Variants in MPP7 observed in about 807,000 individuals in gnomAD.
The protein encoded by MPP7 is MAGUK p55 subfamily member 7.
A neutral mutation model predicts 76.5 loss-of-function variants in MPP7; 60 were observed. That is an observed-to-expected ratio of 0.78 (90% CI 0.64 to 0.97). MPP7 has a LOEUF of 0.97. MPP7 is among the 50% of genes least tolerant of loss of function. The pLI is 0.00. For synonymous variants in MPP7, 237 were observed against 244.5 expected, an observed-to-expected ratio of 0.97 and a Z score of 0.29; for missense variants, 641 against 694.0, an observed-to-expected ratio of 0.92 and a Z score of 0.86.
At chr10:28,288,831 T>A (rs10826444) in intron 1 of MPP7, among the ~76,000 whole-genome samples, 42,835 of 151,978 alleles carry the variant, frequency 0.28, 6,983 homozygotes, top group East Asian at 0.55. Flanking sequence ...GCCCAATGTC[T>A]GGCCTAGAGC....
intron 11 of MPP7, 56 bp downstream of exon 11, chr10:28,119,595 T>C (rs1834765131): frequency 4.2e-6 from 6 of 1,440,026 alleles, no homozygotes; most frequent in Non-Finnish European, 5.9e-6. Context: ...CCTGCTTTAA[T>C]AGTCAAAAAT....
At chr10:28,159,553 C>T (rs1836186916) in intron 3 of MPP7, among the ~76,000 whole-genome samples, 1 of 152,172 alleles carries the variant, frequency 6.6e-6, no homozygotes, top group Admixed American at 6.5e-5. Context: ...TCAGCTCCTG[C>T]ATCCTATCTA....
intron 11 of MPP7, among the ~76,000 whole-genome samples, chr10:28,112,139 CAT>C (rs769980191): frequency 1.3e-4 from 20 of 152,158 alleles, no homozygotes; most frequent in Admixed American, 2.0e-4. Flanking sequence ...TATTTAAGCA[CAT>C]GTCTTAGTAA....
intron 5 of MPP7, among the ~76,000 whole-genome samples, chr10:28,137,749 A>C (rs1008316169): frequency 6.6e-6 from 1 of 152,240 alleles, no homozygotes; most frequent in Non-Finnish European, 1.5e-5. Flanking sequence ...GGCAATACTT[A>C]AATGGAAATT....
intron 6 of MPP7, among the ~76,000 whole-genome samples, chr10:28,126,508 A>G (rs1835022021): frequency 6.6e-6 from 1 of 152,228 alleles, no homozygotes; most frequent in South Asian, 2.1e-4. Flanking sequence ...CTAAGATCAG[A>G]TAACTAGTAT....
chr10:28,314,366 A>C (rs905050209), intron 2 of MPP7, among the ~76,000 whole-genome samples: 3 of 152,232 alleles, frequency 2.0e-5, no homozygotes, highest in African/African-American at 7.2e-5. Context: ...GTGTAACATA[A>C]GGATTATACA....
chr10:28,173,676 G>A (rs73608054), intron 3 of MPP7, among the ~76,000 whole-genome samples: 15 of 152,036 alleles, frequency 9.9e-5, no homozygotes, highest in Non-Finnish European at 2.1e-4. Context: ...ACAAAACAAA[G>A]ATAACCCGCA....
chr10:28,272,162 A>T (rs1436571930), intron 1 of MPP7, among the ~76,000 whole-genome samples: 1 of 152,198 alleles, frequency 6.6e-6, no homozygotes, highest in East Asian at 1.9e-4. Context: ...TGAGCACCTA[A>T]GCCTGAAAAA....
chr10:28,193,991 T>C (rs183116474), intron 3 of MPP7, among the ~76,000 whole-genome samples: 1 of 152,036 alleles, frequency 6.6e-6, no homozygotes, highest in African/African-American at 2.4e-5. Context: ...TAAAAGACAA[T>C]ATGGCAGCTT....
chr10:28,155,353 G>A (rs1245317262), intron 3 of MPP7, among the ~76,000 whole-genome samples: 1 of 152,080 alleles, frequency 6.6e-6, no homozygotes. Flanking sequence ...ACTTTGGGAG[G>A]CCAAGGCAGG....
intron 13 of MPP7, among the ~76,000 whole-genome samples, chr10:28,061,208 G>A (rs116157387): frequency 1.1e-3 from 173 of 151,920 alleles, no homozygotes; most frequent in African/African-American, 3.8e-3. Flanking sequence ...CAAGGGGAAA[G>A]ATAACAGATA....
chr10:28,246,001 A>T (rs895576357), intron 1 of MPP7, among the ~76,000 whole-genome samples: 1 of 152,122 alleles, frequency 6.6e-6, no homozygotes, highest in African/African-American at 2.4e-5. Context: ...GACACCATCA[A>T]GCAGATGAAT....
chr10:28,289,683 C>A (rs570451107), intron 1 of MPP7, among the ~76,000 whole-genome samples: 1 of 152,270 alleles, frequency 6.6e-6, no homozygotes, highest in South Asian at 2.1e-4. Context: ...ACAGGATCCA[C>A]CCGAACCCAC....
intron 1 of MPP7, among the ~76,000 whole-genome samples, chr10:28,330,375 A>G (rs1408335375): frequency 6.6e-6 from 1 of 152,212 alleles, no homozygotes; most frequent in Admixed American, 6.5e-5. Flanking sequence ...AAATAGGCTC[A>G]AATAGTACAC....
chr10:28,230,551 C>T (rs550447826), intron 2 of MPP7, among the ~76,000 whole-genome samples: 2 of 152,100 alleles, frequency 1.3e-5, no homozygotes, highest in Non-Finnish European at 2.9e-5. Flanking sequence ...CAGTGGCTCA[C>T]GCCTGTAATC....
chr10:28,075,853 G>A (rs545803505), intron 12 of MPP7, among the ~76,000 whole-genome samples: 7 of 152,254 alleles, frequency 4.6e-5, no homozygotes, highest in East Asian at 1.9e-4. Flanking sequence ...CTAACAGACC[G>A]TGAGTTCTGT....
intron 3 of MPP7, among the ~76,000 whole-genome samples, chr10:28,199,532 C>T (rs1837699702): frequency 6.6e-6 from 1 of 152,124 alleles, no homozygotes; most frequent in Admixed American, 6.6e-5. Flanking sequence ...ATTACTCAAA[C>T]TTCCTCTTTA....
chr10:28,275,968 T>C (rs1410300412), intron 1 of MPP7, among the ~76,000 whole-genome samples: 1 of 151,752 alleles, frequency 6.6e-6, no homozygotes, highest in African/African-American at 2.4e-5. Flanking sequence ...ACCTAGCACA[T>C]AGTAGGTCTG....
chr10:28,120,157 G>T, intron 10 of MPP7, 37 bp downstream of exon 10: 1 of 1,587,108 alleles, frequency 6.3e-7, no homozygotes, highest in Non-Finnish European at 8.6e-7. Context: ...CAAAAGGTCA[G>T]CTGGAGAAAA....
Sources: allele counts gnomAD v4.1 joint callset (sites outside exome capture counted in the v4.1 genomes callset), GRCh38; gene constraint gnomAD v4.1.1; transcripts MANE v1.5; gene names NCBI Gene and HGNC (gene_info 2026-07-23, HGNC 2026-07-21).